NEK10: variants seen among roughly 807,000 people sequenced by gnomAD.
NEK10 encodes the protein NIMA related kinase 10.
A neutral mutation model predicts 159.8 loss-of-function variants in NEK10; 122 were observed. The ratio of observed to expected loss-of-function variants is 0.76; its 90% CI spans 0.66 to 0.89. NEK10 has a LOEUF of 0.89. Among genes scored for constraint, NEK10 ranks in the 40% least tolerant of loss-of-function variants. NEK10 has a pLI of 0.00. For missense variants in NEK10, 1,342 were observed against 1,323.1 expected (o/e 1.01, Z -0.22); for synonymous variants, 466 against 457.1 (o/e 1.02, Z -0.25).
intron 22 of NEK10, among the ~76,000 whole-genome samples, chr3:27,274,140 A>G (rs1288997977): frequency 1.3e-5 from 2 of 152,200 alleles, no homozygotes; most frequent in Non-Finnish European, 1.5e-5. Context: ...GGACCCCTGT[A>G]CCATGCCACT....
chr3:27,329,269 A>G (rs2046228195), intron 5 of NEK10, among the ~76,000 whole-genome samples: 1 of 152,210 alleles, frequency 6.6e-6, no homozygotes, highest in African/African-American at 2.4e-5. Flanking sequence ...AGTCCATTAA[A>G]CTTTTTTCCT....
At chr3:27,300,840 G>A (rs1250408387) in intron 13 of NEK10, among the ~76,000 whole-genome samples, 1 of 152,188 alleles carries the variant, frequency 6.6e-6, no homozygotes, top group Non-Finnish European at 1.5e-5. Context: ...TTCAGAGTAA[G>A]CAGAAATGGC....
chr3:27,280,204 T>G (rs1238415117), intron 22 of NEK10, among the ~76,000 whole-genome samples: 1 of 151,296 alleles, frequency 6.6e-6, no homozygotes, highest in Non-Finnish European at 1.5e-5. Context: ...GATGAGATAT[T>G]CCAATAAATG....
intron 23 of NEK10, among the ~76,000 whole-genome samples, chr3:27,248,641 T>A (rs1955339826): frequency 6.6e-6 from 1 of 152,252 alleles, no homozygotes; most frequent in Admixed American, 6.5e-5. Flanking sequence ...TACTGTTTAA[T>A]TTCCATGTGT....
chr3:27,282,045 T>C (rs1400754258), intron 22 of NEK10, among the ~76,000 whole-genome samples: 3 of 152,084 alleles, frequency 2.0e-5, no homozygotes, highest in Admixed American at 6.5e-5. Flanking sequence ...CATCGAACAA[T>C]AATTACACAG....
At chr3:27,138,495 TTG>T (rs1943452566) in intron 31 of NEK10, among the ~76,000 whole-genome samples, 1 of 152,136 alleles carries the variant, frequency 6.6e-6, no homozygotes. Flanking sequence ...GCCCTAGAGG[TTG>T]TGACTTCTTT....
At chr3:27,135,173 C>T (rs1943059562) in intron 31 of NEK10, among the ~76,000 whole-genome samples, 1 of 152,108 alleles carries the variant, frequency 6.6e-6, no homozygotes, top group Admixed American at 6.5e-5. Context: ...ATTGCCAGCA[C>T]TTTGGGAGGC....
chr3:27,174,377 T>C, intron 28 of NEK10, 62 bp downstream of exon 28: 3 of 1,602,400 alleles, frequency 1.9e-6, no homozygotes, highest in Non-Finnish European at 2.5e-6. Flanking sequence ...GACTCAAGTA[T>C]GATTTCCAAA....
intron 30 of NEK10, chr3:27,143,407 GA>G: frequency 1.4e-6 from 1 of 734,480 alleles, no homozygotes; most frequent in African/African-American, 1.7e-5. Flanking sequence ...GATCTGTGAT[GA>G]CATTTTGAAT....
intron 23 of NEK10, among the ~76,000 whole-genome samples, chr3:27,208,882 A>G (rs1950759481): frequency 6.6e-6 from 1 of 152,218 alleles, no homozygotes; most frequent in African/African-American, 2.4e-5. Flanking sequence ...CTCAGCTCAC[A>G]GATGACTACT....
At position 27,304,736 on chromosome 3, in the gene NEK10, CT is replaced by C. The variant is rs762696641; in HGVS notation, c.1028+10del. On this transcript the variant is annotated intron_variant, in intron 12 of 35. Coordinates refer to ENST00000691995, the MANE Select transcript of NEK10 (RefSeq NM_001394966.1). ...ACAGGGCAAAGTAGGCCAAAGCCCA[CT>C]TTTACTCACCCTTGTAAAATATGAA... 1 of 1,593,464 alleles carries C rather than the reference CT, an allele frequency of 6.3e-7. No homozygotes were observed. The highest frequency in any genetic ancestry group is 1.7e-5 in the Admixed American group (1 of 59,980).
intron 30 of NEK10, among the ~76,000 whole-genome samples, chr3:27,152,672 T>C (rs974362522): frequency 4.6e-5 from 7 of 151,010 alleles, no homozygotes; most frequent in Non-Finnish European, 8.8e-5. Flanking sequence ...ATTTCAATAC[T>C]AACATTGAAT....
At chr3:27,297,919 T>C (rs1241339229) in intron 13 of NEK10, among the ~76,000 whole-genome samples, 1 of 152,226 alleles carries the variant, frequency 6.6e-6, no homozygotes, top group Non-Finnish European at 1.5e-5. Context: ...AATTCCATTT[T>C]ACTGTGCTGA....
intron 16 of NEK10, 51 bp downstream of exon 16, chr3:27,293,537 T>G (rs1052385630): frequency 3.1e-6 from 3 of 952,660 alleles, no homozygotes; most frequent in Non-Finnish European, 4.9e-6. Flanking sequence ...AACAGTTCAA[T>G]CTAATGATCT....
At chr3:27,321,495 AC>A (rs2045631394) in intron 6 of NEK10, among the ~76,000 whole-genome samples, 1 of 152,058 alleles carries the variant, frequency 6.6e-6, no homozygotes, top group African/African-American at 2.4e-5. Context: ...ACATGGTGAA[AC>A]CCCATCTCTA....
At position 27,274,935 on chromosome 3, in the gene NEK10, G is replaced by T. The variant is rs189189859; in HGVS notation, c.2014+9667C>A. 2.6e-5 allele frequency among the ~76,000 whole-genome samples: 4 copies of T among 152,230 alleles called. No homozygotes were observed. In the East Asian group the frequency reaches 7.7e-4, roughly 29 times the overall value. On this transcript the variant is annotated intron_variant, in intron 22 of 35. Transcript: ENST00000691995. ...CTCATCCAGACGACATCACACATCA[G>T]ATTCCACCCCCTTCAGTTAAAAGCT...
At chr3:27,190,916 T>C (rs1255002690) in intron 26 of NEK10, among the ~76,000 whole-genome samples, 1 of 152,238 alleles carries the variant, frequency 6.6e-6, no homozygotes, top group Non-Finnish European at 1.5e-5. Flanking sequence ...CTCCAAGTTA[T>C]ATGCTCCTTT....
intron 32 of NEK10, among the ~76,000 whole-genome samples, chr3:27,122,402 A>G (rs185846138): frequency 6.6e-6 from 1 of 152,310 alleles, no homozygotes; most frequent in African/African-American, 2.4e-5. Context: ...ATGGACTAAT[A>G]TATAACCCAT....
At chr3:27,295,948 G>A (rs1559451790) in intron 14 of NEK10, among the ~76,000 whole-genome samples, 1 of 152,050 alleles carries the variant, frequency 6.6e-6, no homozygotes, top group African/African-American at 2.4e-5. Context: ...AACGTAAAGT[G>A]ATTCAAATAC....
Sources: allele counts gnomAD v4.1 joint callset (sites outside exome capture counted in the v4.1 genomes callset), GRCh38; gene constraint gnomAD v4.1.1; transcripts MANE v1.5; gene names NCBI Gene and HGNC (gene_info 2026-07-23, HGNC 2026-07-21).